SUMF1: variants seen among roughly 807,000 people sequenced by gnomAD.
The protein encoded by SUMF1 is formylglycine-generating enzyme.
A neutral mutation model predicts 47.6 loss-of-function variants in SUMF1; 48 were observed. The ratio of observed to expected loss-of-function variants is 1.01; its 90% CI spans 0.80 to 1.28. The LOEUF (loss-of-function observed/expected upper bound fraction) is 1.28, where lower values mean the gene tolerates loss of function less well. Ranked by LOEUF, SUMF1 falls within the 50% of genes most tolerant of loss-of-function variation. The pLI, the probability that SUMF1 is intolerant of heterozygous loss-of-function variation, is 0.00. For synonymous variants in SUMF1, 230 were observed against 192.1 expected, an observed-to-expected ratio of 1.20 and a Z score of -1.63; for missense variants, 571 against 485.4, an observed-to-expected ratio of 1.18 and a Z score of -1.66.
At chr3:4,368,599 C>A (rs6764875) in intron 8 of SUMF1, among the ~76,000 whole-genome samples, 95,868 of 151,286 alleles carry the variant, frequency 0.63, 31,159 homozygotes, top group African/African-American at 0.76. Context: ...AATGTCCAAC[C>A]ATGACAGACT....
intron 7 of SUMF1, among the ~76,000 whole-genome samples, chr3:4,400,862 C>T (rs766348490): frequency 2.1e-4 from 32 of 152,206 alleles, no homozygotes; most frequent in African/African-American, 5.8e-4. Context: ...ATGTGCACAA[C>T]GTGCAGTTTT....
intron 8 of SUMF1, among the ~76,000 whole-genome samples, chr3:4,252,328 G>A (rs148704633): frequency 6.4e-4 from 95 of 149,422 alleles, no homozygotes; most frequent in Middle Eastern, 3.4e-3. Context: ...GGACATTTTG[G>A]ATTCGCTCCA....
chr3:4,178,026 C>A (rs775963705), intron 8 of SUMF1, among the ~76,000 whole-genome samples: 4 of 152,048 alleles, frequency 2.6e-5, no homozygotes, highest in Admixed American at 6.5e-5. Flanking sequence ...CAATAACAGG[C>A]TCTGAAATTG....
At chr3:4,311,451 C>G (rs980772651) in intron 8 of SUMF1, among the ~76,000 whole-genome samples, 2 of 152,182 alleles carry the variant, frequency 1.3e-5, no homozygotes, top group African/African-American at 4.8e-5. Context: ...GTTGTGGGAT[C>G]CCAGCAGCCT....
At chr3:4,308,849 G>A (rs1698295082) in intron 8 of SUMF1, among the ~76,000 whole-genome samples, 1 of 151,734 alleles carries the variant, frequency 6.6e-6, no homozygotes, top group Non-Finnish European at 1.5e-5. Flanking sequence ...GTCAAACTCT[G>A]CAAAATATTT....
rs71043507 is a variant in SUMF1, at chr3:4,265,136, CAAAAAAAAAA to C, written c.1014+111184_1014+111193del. Reference sequence around the variant, plus strand: ...TGGGTGACAGAGCGAGACTCCATCTCAAAAAAAAAAAAAAAAAAAAAAAGAACACTTAGGA... The same window carrying C: ...TGGGTGACAGAGCGAGACTCCATCTCAAAAAAAAAAAAAGAACACTTAGGA... On this transcript the variant is annotated intron_variant and NMD_transcript_variant, in intron 8 of 12. Coordinates refer to the SUMF1 transcript ENST00000448413. Among the ~76,000 whole-genome samples the C allele has an allele frequency of 1.1e-4, 8 of 73,412 alleles. 1 individual carries two copies. The highest frequency in any genetic ancestry group is 5.2e-4 in the South Asian group (1 of 1,928). The allele number at this position is 73,412 out of a possible 152,430, so 48.2% of individuals were successfully genotyped here.
At chr3:4,095,922 A>AT (rs1017610782) in intron 8 of SUMF1, among the ~76,000 whole-genome samples, 3 of 151,902 alleles carry the variant, frequency 2.0e-5, no homozygotes, top group East Asian at 3.9e-4. Context: ...ATACAGACAC[A>AT]TTTTTTTTCT....
At chr3:4,035,156 A>G (rs932492415) in intron 9 of SUMF1, among the ~76,000 whole-genome samples, 8 of 152,158 alleles carry the variant, frequency 5.3e-5, no homozygotes, top group Non-Finnish European at 1.2e-4. Context: ...TATGGTTTCA[A>G]AATGAAATAG....
intron 8 of SUMF1, among the ~76,000 whole-genome samples, chr3:4,177,905 A>G (rs1019072297): frequency 8.5e-5 from 13 of 152,320 alleles, no homozygotes; most frequent in Non-Finnish European, 1.3e-4. Flanking sequence ...AGAGAATACT[A>G]TAAACACCTC....
chr3:4,102,124 C>T (rs955687072), intron 8 of SUMF1, among the ~76,000 whole-genome samples: 9 of 152,126 alleles, frequency 5.9e-5, no homozygotes, highest in South Asian at 2.1e-4. Flanking sequence ...GTGGAGATTA[C>T]GGGAACTACA....
intron 6 of SUMF1, among the ~76,000 whole-genome samples, chr3:4,413,138 G>A (rs1356210875): frequency 2.6e-5 from 4 of 151,962 alleles, no homozygotes; most frequent in South Asian, 2.1e-4. Context: ...CCGAGTAGCT[G>A]GGACCACAGG....
chr3:4,184,007 T>C (rs1252102046), intron 8 of SUMF1, among the ~76,000 whole-genome samples: 1 of 151,910 alleles, frequency 6.6e-6, no homozygotes, highest in Non-Finnish European at 1.5e-5. Context: ...TTGTGGCACA[T>C]GCCTGCAGTC....
chr3:4,175,213 T>A (rs951033719), intron 8 of SUMF1, among the ~76,000 whole-genome samples: 2 of 152,172 alleles, frequency 1.3e-5, no homozygotes, highest in African/African-American at 4.8e-5. Flanking sequence ...GCTCTGAGAA[T>A]GGACAGACTG....
At chr3:4,099,190 A>G (rs1242181579) in intron 8 of SUMF1, among the ~76,000 whole-genome samples, 1 of 152,054 alleles carries the variant, frequency 6.6e-6, no homozygotes, top group Non-Finnish European at 1.5e-5. Flanking sequence ...TGGACTTTAA[A>G]CCACCAACCT....
At chr3:4,185,930 G>C (rs1383174327) in intron 8 of SUMF1, among the ~76,000 whole-genome samples, 1 of 152,150 alleles carries the variant, frequency 6.6e-6, no homozygotes, top group Non-Finnish European at 1.5e-5. Flanking sequence ...TCATGGCTCT[G>C]AGATGGAGCC....
intron 8 of SUMF1, among the ~76,000 whole-genome samples, chr3:4,334,250 TA>T (rs1411799340): frequency 6.6e-6 from 1 of 152,202 alleles, no homozygotes; most frequent in Non-Finnish European, 1.5e-5. Context: ...TAGAGCTCTC[TA>T]AAAAAATCCT....
intron 9 of SUMF1, among the ~76,000 whole-genome samples, chr3:4,037,778 C>T (rs923226781): frequency 6.6e-6 from 1 of 152,186 alleles, no homozygotes; most frequent in Non-Finnish European, 1.5e-5. Flanking sequence ...CTCATCTCTA[C>T]ATGTGTGTGT....
At chr3:4,326,500 T>A (rs552824427) in intron 8 of SUMF1, among the ~76,000 whole-genome samples, 1 of 149,876 alleles carries the variant, frequency 6.7e-6, no homozygotes, top group South Asian at 2.1e-4. Flanking sequence ...ATAAACAATG[T>A]ACAAGGCCAG....
At chr3:4,146,390 C>G (rs1344307195) in intron 8 of SUMF1, among the ~76,000 whole-genome samples, 2 of 142,184 alleles carry the variant, frequency 1.4e-5, no homozygotes, top group African/African-American at 2.7e-5. Flanking sequence ...ATGGAGCCTC[C>G]AGTAGAGAGA....
Sources: gnomAD v4.1 joint callset for allele counts (sites outside exome capture counted in the v4.1 genomes callset) on GRCh38, gnomAD v4.1.1 for gene constraint, MANE v1.5 for transcripts, NCBI Gene and HGNC (gene_info 2026-07-23, HGNC 2026-07-21) for gene names.